The following RAPGEF1 variants were observed in gnomAD, a reference collection of about 807,000 sequenced individuals.
The protein encoded by RAPGEF1 is CRK SH3-binding GNRP.
Under a neutral mutation model 143.3 loss-of-function variants are expected in RAPGEF1, and 33 were observed. The ratio of observed to expected loss-of-function variants is 0.23; its 90% CI spans 0.17 to 0.31. RAPGEF1 has a LOEUF of 0.31. Ranked by LOEUF, RAPGEF1 falls within the 10% of genes least tolerant of loss-of-function variation. The probability of loss-of-function intolerance (pLI) is 1.00; values close to 1 mark genes in which losing one functional copy is unlikely to be tolerated. For missense variants in RAPGEF1, 1,199 were observed against 1,645.4 expected, an observed-to-expected ratio of 0.73 and a Z score of 4.69; for synonymous variants, 629 against 676.5, an observed-to-expected ratio of 0.93 and a Z score of 1.09.
chr9:131,708,554 T>G (rs1266185314), intron 1 of RAPGEF1, among the ~76,000 whole-genome samples: 2 of 152,214 alleles, frequency 1.3e-5, no homozygotes, highest in Non-Finnish European at 2.9e-5. Context: ...GTTGTCCCAC[T>G]TCCTGGGTGT....
At chr9:131,592,404 C>T (rs1264961270) in intron 17 of RAPGEF1, among the ~76,000 whole-genome samples, 1 of 152,130 alleles carries the variant, frequency 6.6e-6, no homozygotes, top group Non-Finnish European at 1.5e-5. Flanking sequence ...AAGGAAACGG[C>T]AGATCAGAGA....
intron 1 of RAPGEF1, among the ~76,000 whole-genome samples, chr9:131,661,160 C>T (rs936685670): frequency 2.2e-4 from 34 of 152,184 alleles, no homozygotes; most frequent in African/African-American, 7.7e-4. Flanking sequence ...CCAAAGAACG[C>T]CTGTGTGAGG....
chr9:131,603,927 G>GGCCAC (rs1956686998), intron 14 of RAPGEF1, 34 bp downstream of exon 14: 1 of 1,256,320 alleles, frequency 8.0e-7, no homozygotes, highest in Non-Finnish European at 1.1e-6. Context: ...CACCAGGCCA[G>GGCCAC]GCCACATGCA....
In RAPGEF1 at chr9:131,667,170, A is replaced by G. The variant is rs945747541; in HGVS notation, c.62-16221T>C. On this transcript the variant is annotated intron_variant, in intron 1 of 26. Coordinates refer to ENST00000683357, the MANE Select transcript of RAPGEF1 (RefSeq NM_001377935.1). This position sits in a 1 kb window ranked among gnomAD's most constrained non-coding sequence, Gnocchi z 4.6. ...ACGCCTGGCTAAGTTTTGTATTTTT[A>G]GTAGAGATGGGGTTTCACCATGTTG... 6.6e-6 allele frequency among the ~76,000 whole-genome samples: 1 copy of G among 152,004 alleles called. No homozygotes were observed. Among genetic ancestry groups the G allele is most frequent in the African/African-American group, 2.4e-5 (1 of 41,388 alleles).
rs1368828475 is a variant in RAPGEF1 at position 131,598,231 on chromosome 9, C to T, written c.2581G>A (p.Glu861Lys). ...TTGAGCGTCAGCCTGGACATAATTT[C>T]GTTGTGGTCAATGAGGGACAGCTCG... Reference protein sequence around the residue: ...VDELSLIDHNEIMSRLTLKQE... With the variant: ...VDELSLIDHNKIMSRLTLKQE... The change falls in exon 16 of 27, where the codon GAA (glutamate) becomes AAA (lysine). Residue 861 changes from glutamate to lysine, a missense_variant. Around this residue, in one of 6 missense-constraint regions of RAPGEF1, gnomAD observed 209 missense variants for 403.0 expected, o/e 0.52. Coordinates refer to ENST00000683357, the MANE Select transcript of RAPGEF1 (RefSeq NM_001377935.1). 9 of 1,614,000 alleles carry T rather than the reference C, an allele frequency of 5.6e-6. No individual in the cohort carries two copies. Among genetic ancestry groups the T allele is most frequent in the East Asian group, 2.2e-5 (1 of 44,876 alleles).
At chr9:131,673,040 T>G (rs775680416) in intron 1 of RAPGEF1, among the ~76,000 whole-genome samples, 3 of 152,216 alleles carry the variant, frequency 2.0e-5, no homozygotes, top group Non-Finnish European at 4.4e-5. Context: ...TTGTTTATAT[T>G]TGGCTGTAGA....
At chr9:131,666,230 G>C (rs1830407452) in intron 1 of RAPGEF1, among the ~76,000 whole-genome samples, 1 of 152,212 alleles carries the variant, frequency 6.6e-6, no homozygotes, top group Non-Finnish European at 1.5e-5. Flanking sequence ...GGACGCTTCA[G>C]CCTGGGTTAC....
intron 1 of RAPGEF1, among the ~76,000 whole-genome samples, chr9:131,684,860 C>T (rs1833207061): frequency 6.6e-6 from 1 of 152,182 alleles, no homozygotes; most frequent in East Asian, 1.9e-4. Context: ...CCCAAGGACC[C>T]CTCAGTTGCA....
At chr9:131,690,745 T>C (rs1833729470) in intron 1 of RAPGEF1, among the ~76,000 whole-genome samples, 1 of 152,168 alleles carries the variant, frequency 6.6e-6, no homozygotes, top group Non-Finnish European at 1.5e-5. Flanking sequence ...TGAGCCGAGA[T>C]TGTGCCACTG....
At chr9:131,638,514 C>T in intron 5 of RAPGEF1, 121 bp downstream of exon 5, 1 of 1,161,222 alleles carries the variant, frequency 8.6e-7, no homozygotes, top group South Asian at 1.4e-5. Context: ...CGCACCAACA[C>T]CAGAGACGCA....
chr9:131,700,054 T>C (rs1834513847), intron 1 of RAPGEF1, among the ~76,000 whole-genome samples: 1 of 152,066 alleles, frequency 6.6e-6, no homozygotes, highest in Non-Finnish European at 1.5e-5. Context: ...CCACTGAAGC[T>C]CTCCTGCTTC....
chr9:131,731,222 T>C (rs2131337496), intron 1 of RAPGEF1, among the ~76,000 whole-genome samples: 1 of 152,260 alleles, frequency 6.6e-6, no homozygotes, highest in East Asian at 1.9e-4. Flanking sequence ...CAACCACAAG[T>C]GTAAAATATA....
At position 131,580,367 on chromosome 9, in the gene RAPGEF1, G is replaced by A; in HGVS notation, c.3537C>T (p.Thr1179=). The A allele has an allele frequency of 2.5e-6, 4 of 1,613,840 alleles. No individual in the cohort carries two copies. Among genetic ancestry groups the A allele is most frequent in the East Asian group, 2.2e-5 (1 of 44,878 alleles). ...PYLGLILQDL[T]FVHLGNPDYI... is the part of the protein sequence containing the mutation. The stretch of plus-strand genomic sequence containing the variant: ...AGTCTGGGTTTCCCAGGTGAACGAA[G>A]GTCAGGTCCTGCAGGATCAGCCCCC... Residue 1179 remains threonine (T), a synonymous_variant, in exon 26 of 27, where the codon ACC becomes ACT. Transcript: ENST00000683357.
chr9:131,624,733 C>T (rs1468210209), intron 10 of RAPGEF1, among the ~76,000 whole-genome samples: 1 of 152,248 alleles, frequency 6.6e-6, no homozygotes, highest in African/African-American at 2.4e-5. Flanking sequence ...GAAGGAAATG[C>T]TTCTGGCAGT....
intron 3 of RAPGEF1, among the ~76,000 whole-genome samples, chr9:131,644,515 C>A (rs1969008984): frequency 6.6e-6 from 1 of 151,992 alleles, no homozygotes; most frequent in South Asian, 2.1e-4. Flanking sequence ...CAAACAGCCA[C>A]CTGCAGGATC....
At chr9:131,581,563 G>A (rs1407724497) in intron 25 of RAPGEF1, among the ~76,000 whole-genome samples, 1 of 152,084 alleles carries the variant, frequency 6.6e-6, no homozygotes, top group Admixed American at 6.5e-5. Flanking sequence ...GCCAGGCGTG[G>A]TTGCGCATGC....
At chr9:131,696,481 C>T (rs1036145516) in intron 1 of RAPGEF1, among the ~76,000 whole-genome samples, 6 of 152,176 alleles carry the variant, frequency 3.9e-5, no homozygotes, top group East Asian at 3.9e-4. Flanking sequence ...TGATGACCTC[C>T]GATGTACACT....
intron 1 of RAPGEF1, among the ~76,000 whole-genome samples, chr9:131,725,694 C>A (rs1339200380): frequency 6.6e-6 from 1 of 151,832 alleles, no homozygotes; most frequent in African/African-American, 2.4e-5. Context: ...TGTTTATTAG[C>A]CATTTGTATA....
At chr9:131,658,269 A>G (rs1277500249) in intron 1 of RAPGEF1, among the ~76,000 whole-genome samples, 1 of 152,172 alleles carries the variant, frequency 6.6e-6, no homozygotes, top group African/African-American at 2.4e-5. Context: ...GTTGCTCCAT[A>G]TTCCTCCCGG....
Sources: allele counts gnomAD v4.1 joint callset (sites outside exome capture counted in the v4.1 genomes callset), GRCh38; gene constraint gnomAD v4.1.1; regional missense constraint gnomAD v4.1.1; non-coding constraint Gnocchi (gnomAD v3.1); transcripts MANE v1.5; gene names NCBI Gene and HGNC (gene_info 2026-07-23, HGNC 2026-07-21).